The following MAGI2 variants were observed in gnomAD, a reference collection of about 807,000 sequenced individuals.
MAGI2 encodes the protein membrane-associated guanylate kinase, WW and PDZ domain-containing protein 2.
Under a neutral mutation model 133.3 loss-of-function variants are expected in MAGI2, and 35 were observed. The ratio of observed to expected loss-of-function variants is 0.26; its 90% CI spans 0.20 to 0.35. MAGI2 has a LOEUF of 0.35. Ranked by LOEUF, MAGI2 falls within the 10% of genes least tolerant of loss-of-function variation. The pLI is 1.00. For synonymous variants in MAGI2, 729 were observed against 710.6 expected, an observed-to-expected ratio of 1.03 and a Z score of -0.41; for missense variants, 1,636 against 1,863.4, an observed-to-expected ratio of 0.88 and a Z score of 2.25.
intron 9 of MAGI2, among the ~76,000 whole-genome samples, chr7:78,286,097 T>C (rs181333401): frequency 6.6e-6 from 1 of 152,242 alleles, no homozygotes; most frequent in East Asian, 1.9e-4. Context: ...TTAATATCCA[T>C]TGTGTGTGTG....
intron 20 of MAGI2, among the ~76,000 whole-genome samples, chr7:78,121,999 G>A (rs1412537592): frequency 1.3e-5 from 2 of 152,138 alleles, no homozygotes; most frequent in Admixed American, 6.5e-5. Flanking sequence ...AGAAGAACAT[G>A]TACAGTATGG....
At chr7:78,281,043 A>G (rs548276411) in intron 9 of MAGI2, among the ~76,000 whole-genome samples, 209 of 152,010 alleles carry the variant, frequency 1.4e-3, no homozygotes, top group African/African-American at 4.7e-3. Flanking sequence ...GTCATCAGAT[A>G]TCATTTTTTT....
chr7:78,147,014 T>A (rs535077059), intron 16 of MAGI2, among the ~76,000 whole-genome samples: 1 of 152,312 alleles, frequency 6.6e-6, no homozygotes, highest in East Asian at 1.9e-4. Context: ...TGGAAACAGA[T>A]ACTAACCCAG....
chr7:78,807,611 G>A (rs1030700239), intron 2 of MAGI2, among the ~76,000 whole-genome samples: 3 of 152,120 alleles, frequency 2.0e-5, no homozygotes, highest in Non-Finnish European at 4.4e-5. Flanking sequence ...TGGGAGTTGA[G>A]TAGTAAAAAG....
At chr7:79,325,679 A>T (rs1754670267) in intron 1 of MAGI2, among the ~76,000 whole-genome samples, 1 of 152,208 alleles carries the variant, frequency 6.6e-6, no homozygotes, top group South Asian at 2.1e-4. Context: ...TGAAAGAGTT[A>T]TTAATTCCAC....
At chr7:78,161,011 A>G (rs566812151) in intron 15 of MAGI2, among the ~76,000 whole-genome samples, 1 of 152,352 alleles carries the variant, frequency 6.6e-6, no homozygotes, top group South Asian at 2.1e-4. Flanking sequence ...GAATAAATAA[A>G]TAAGTTGAGA....
chr7:78,281,387 T>C (rs932226174), intron 9 of MAGI2, among the ~76,000 whole-genome samples: 3 of 152,084 alleles, frequency 2.0e-5, no homozygotes, highest in African/African-American at 7.2e-5. Context: ...GTTCTCATGA[T>C]AGTGAGTTCT....
intron 13 of MAGI2, among the ~76,000 whole-genome samples, chr7:78,180,011 G>A (rs3807672): frequency 1.4e-4 from 21 of 152,184 alleles, no homozygotes; most frequent in African/African-American, 3.9e-4. Flanking sequence ...AGGGGAGATC[G>A]GAGATGACAG....
chr7:79,206,994 A>G (rs189211785), intron 1 of MAGI2, among the ~76,000 whole-genome samples: 4 of 152,064 alleles, frequency 2.6e-5, no homozygotes, highest in Admixed American at 1.3e-4. Flanking sequence ...ATGCCTTAAA[A>G]TTTGACAAAA....
chr7:79,416,720 T>TTTTCC (rs1846545179), intron 1 of MAGI2, among the ~76,000 whole-genome samples: 1 of 129,458 alleles, frequency 7.7e-6, no homozygotes, highest in Non-Finnish European at 1.6e-5. Context: ...TTTTCTTTTC[T>TTTTCC]TTTTCTTTTT....
At chr7:79,371,141 G>A (rs1406893112) in intron 1 of MAGI2, among the ~76,000 whole-genome samples, 6 of 151,960 alleles carry the variant, frequency 3.9e-5, no homozygotes, top group African/African-American at 1.5e-4. Context: ...TCTAAAATCC[G>A]ATAACAGTTT....
At chr7:78,705,113 T>C (rs1818501897) in intron 2 of MAGI2, among the ~76,000 whole-genome samples, 1 of 152,040 alleles carries the variant, frequency 6.6e-6, no homozygotes, top group South Asian at 2.1e-4. Context: ...GTTAATATAG[T>C]TTGGCTCTGT....
intron 1 of MAGI2, among the ~76,000 whole-genome samples, chr7:79,200,937 C>A (rs1448047257): frequency 6.6e-6 from 1 of 151,958 alleles, no homozygotes; most frequent in African/African-American, 2.4e-5. Context: ...CATAGGGTTC[C>A]TTTGCTCAAG....
chr7:78,630,136 G>C (rs1808799941), intron 2 of MAGI2, among the ~76,000 whole-genome samples: 1 of 151,922 alleles, frequency 6.6e-6, no homozygotes. Flanking sequence ...ACTGATTTTA[G>C]CTGATTACTT....
intron 2 of MAGI2, among the ~76,000 whole-genome samples, chr7:78,973,220 C>T (rs1803940745): frequency 6.6e-6 from 1 of 151,868 alleles, no homozygotes. Context: ...ATTTTCAAAG[C>T]ACACAATTAG....
At chr7:78,252,461 A>C (rs1226729870) in intron 10 of MAGI2, 1 of 127,946 alleles carries the variant, frequency 7.8e-6, no homozygotes, top group African/African-American at 4.2e-5. Context: ...TTGGATGTAC[A>C]TAAGCAAAAA....
At chr7:78,203,003 A>G (rs1829406864) in intron 10 of MAGI2, among the ~76,000 whole-genome samples, 1 of 152,364 alleles carries the variant, frequency 6.6e-6, no homozygotes, top group South Asian at 2.1e-4. Flanking sequence ...CAATTTGACC[A>G]TGAGTTTAAA....
intron 6 of MAGI2, among the ~76,000 whole-genome samples, chr7:78,483,261 G>T (rs1792614583): frequency 6.6e-6 from 1 of 151,854 alleles, no homozygotes; most frequent in Non-Finnish European, 1.5e-5. Flanking sequence ...GTGCAAAACA[G>T]ATTTGATGAT....
intron 1 of MAGI2, among the ~76,000 whole-genome samples, chr7:79,034,864 G>A (rs549841641): frequency 4.6e-5 from 7 of 152,174 alleles, no homozygotes; most frequent in East Asian, 3.9e-4. Context: ...CAGCTTTCCC[G>A]GATTTAACTG....
Sources: gnomAD v4.1 joint callset for allele counts (sites outside exome capture counted in the v4.1 genomes callset) on GRCh38, gnomAD v4.1.1 for gene constraint, MANE v1.5 for transcripts, NCBI Gene and HGNC (gene_info 2026-07-23, HGNC 2026-07-21) for gene names.